The following AHRR variants were observed in gnomAD, a reference collection of about 807,000 sequenced individuals.
The protein encoded by AHRR is aryl hydrocarbon receptor repressor.
A neutral mutation model predicts 44.0 loss-of-function variants in AHRR; 28 were observed. The ratio of observed to expected loss-of-function variants is 0.64; its 90% confidence interval spans 0.47 to 0.87. The LOEUF is 0.87. AHRR is among the 40% of genes least tolerant of loss of function. The probability of loss-of-function intolerance (pLI) is 0.00; values close to 1 mark genes in which losing one functional copy is unlikely to be tolerated. For synonymous variants in AHRR, 434 were observed against 407.0 expected, an observed-to-expected ratio of 1.07 and a Z score of -0.80; for missense variants, 990 against 953.9, an observed-to-expected ratio of 1.04 and a Z score of -0.50.
rs550349312 is a variant in AHRR at position 367,301 on chromosome 5, G to T, written c.245-9309G>T. Among the ~76,000 whole-genome samples, 4 of 152,312 alleles carry T rather than the reference G, an allele frequency of 2.6e-5. No homozygotes were observed. The South Asian group carries it at 8.3e-4, about 32-fold the overall frequency. On this transcript the variant is annotated intron_variant, in intron 3 of 10. Transcript: ENST00000684583. ...TGGGCCCTCAGCGTAGCCAGATGTG[G>T]GACAGCATCGTGTGCATTTGTATGT...
intron 5 of AHRR, among the ~76,000 whole-genome samples, chr5:415,640 TGGTGGGGC>T (rs1396779678): frequency 1.2e-4 from 18 of 146,452 alleles, no homozygotes; most frequent in Middle Eastern, 3.7e-3. Flanking sequence ...CGAATCTGCC[TGGTGGGGC>T]GGGAGGCCTA....
At chr5:424,040 G>C (rs1323083946) in intron 7 of AHRR, 63 bp downstream of exon 7, 1 of 1,553,170 alleles carries the variant, frequency 6.4e-7, no homozygotes, top group East Asian at 2.3e-5. Flanking sequence ...CCCTGGTGTG[G>C]AAGGAAACAG....
chr5:432,374 T>C, intron 8 of AHRR, 89 bp from the exon 9 acceptor site: 1 of 1,300,128 alleles, frequency 7.7e-7, no homozygotes, highest in Non-Finnish European at 1.1e-6. Context: ...ATACCTGTCA[T>C]TATTAATTTC....
At chr5:429,387 C>T (rs990652026) in intron 8 of AHRR, among the ~76,000 whole-genome samples, 7 of 152,114 alleles carry the variant, frequency 4.6e-5, no homozygotes, top group East Asian at 1.9e-4. Context: ...ACCCCTTCCC[C>T]GGCCACCTGG....
At chr5:385,895 G>T (rs1349771299) in intron 4 of AHRR, among the ~76,000 whole-genome samples, 2 of 152,012 alleles carry the variant, frequency 1.3e-5, no homozygotes, top group Non-Finnish European at 2.9e-5. Context: ...CTGAGGCTGT[G>T]TTCATTTTTT....
Position 434,541 on chromosome 5 carries a change from A to G in AHRR, c.1801A>G (p.Thr601Ala). The G allele has an allele frequency of 6.2e-7, 1 of 1,608,802 alleles. No homozygotes were observed. Among genetic ancestry groups the G allele is most frequent in the Non-Finnish European group, 8.5e-7 (1 of 1,178,180 alleles). ...VRGAQPHGRATAGRSRELTPF... is the reference protein window; with the variant it reads ...VRGAQPHGRAAAGRSRELTPF... ...GGGGGCTCAGCCCCATGGGAGGGCC[A>G]CTGCTGGGCGCAGCAGGGAGCTGAC... Residue 601 changes from threonine to alanine, a missense_variant, in exon 11 of 11, where the codon ACT becomes GCT. By Grantham distance (58) the Thr-to-Ala change is moderately conservative. Transcript: ENST00000684583.
chr5:323,974 CTCCTTCCTTCCT>C (rs1212223055), intron 1 of AHRR, among the ~76,000 whole-genome samples: 2 of 148,772 alleles, frequency 1.3e-5, no homozygotes, highest in Admixed American at 6.6e-5. Context: ...TCTTCCTTCC[CTCCTTCCTTCCT>C]ACCTTCCTTT....
chr5:376,555 A>G (rs1733697635), intron 3 of AHRR, 55 bp from the exon 4 acceptor site: 4 of 1,431,448 alleles, frequency 2.8e-6, no homozygotes, highest in Non-Finnish European at 3.8e-6. Context: ...TGAATGAAGA[A>G]GAGTGGCCAG....
chr5:421,705 C>T (rs1315096876), intron 5 of AHRR, among the ~76,000 whole-genome samples: 2 of 150,998 alleles, frequency 1.3e-5, no homozygotes, highest in African/African-American at 4.9e-5. Flanking sequence ...TGCGGAGGCA[C>T]AGACAGAGTC....
chr5:407,496 T>A (rs1735311598), intron 4 of AHRR, among the ~76,000 whole-genome samples: 1 of 152,210 alleles, frequency 6.6e-6, no homozygotes, highest in Non-Finnish European at 1.5e-5. Context: ...GTTATGGGTA[T>A]CTGTATGTTA....
chr5:434,514 C>CG lies in AHRR; in HGVS notation c.1780dup (p.Ala594GlyfsTer48), dbSNP rs750379288. On this transcript the variant is annotated frameshift_variant, in exon 11 of 11. Coordinates refer to ENST00000684583, the MANE Select transcript of AHRR (RefSeq NM_001377236.1). ...CATCTCGCACCTGGGGCACGGCGTG[C>CG]GGGGGGCTCAGCCCCATGGGAGGGC... 33 of 1,612,124 alleles carry CG rather than the reference C, an allele frequency of 2.0e-5. No individual in the cohort carries two copies. The highest frequency in any genetic ancestry group is 1.1e-4 in the African/African-American group (8 of 75,026).
Position 343,926 on chromosome 5 carries a change from G to A in AHRR, c.24G>A (p.Thr8=), listed in dbSNP as rs779740302. 2 of 1,600,740 alleles carry A rather than the reference G, an allele frequency of 1.2e-6. No homozygotes were observed. The highest frequency in any genetic ancestry group is 2.3e-5 in the East Asian group (1 of 43,046). The change falls in exon 2 of 11, where the codon ACG becomes ACA. Residue 8 remains threonine (T), a synonymous_variant. Transcript: ENST00000684583. ...CGATGATCCCGCCGGGGGAGTGCAC[G>A]TACGCGGGCCGGAAGCGGAGGAGGC... MIPPGEC[T]YAGRKRRRPL...
At chr5:394,790 G>A (rs918198075) in intron 4 of AHRR, among the ~76,000 whole-genome samples, 6 of 152,266 alleles carry the variant, frequency 3.9e-5, no homozygotes, top group Non-Finnish European at 7.3e-5. Flanking sequence ...GAGGGCAGAG[G>A]GGAGGGCAGG....
At chr5:409,788 A>G (rs548412660) in intron 4 of AHRR, among the ~76,000 whole-genome samples, 2 of 152,232 alleles carry the variant, frequency 1.3e-5, no homozygotes, top group African/African-American at 4.8e-5. Flanking sequence ...AATAAAGCCC[A>G]ATTTATCAAG....
chr5:424,003 G>A (rs1406372478), intron 7 of AHRR, 26 bp downstream of exon 7: 1 of 1,587,688 alleles, frequency 6.3e-7, no homozygotes, highest in Admixed American at 1.7e-5. Context: ...CCTGGCAGGG[G>A]GCTCCCGACA....
intron 5 of AHRR, among the ~76,000 whole-genome samples, chr5:420,068 G>A (rs983632103): frequency 1.3e-5 from 2 of 152,236 alleles, no homozygotes; most frequent in Admixed American, 6.5e-5. Context: ...CGCCACGGTA[G>A]TTATTCAGCT....
At chr5:345,244 GGATGTGTGTGTGGGGAGAGGGGTGGGT>G (rs1742594518) in intron 2 of AHRR, among the ~76,000 whole-genome samples, 1 of 136,456 alleles carries the variant, frequency 7.3e-6, no homozygotes, top group African/African-American at 3.3e-5. Context: ...CTGTGTGTGG[GGATGTGTGTGTGGGGAGAGGGGTGGGT>G]GGGTGTGTGT....
intron 1 of AHRR, among the ~76,000 whole-genome samples, chr5:328,665 ATTTGTATCTCTTCTT>A (rs1741809483): frequency 6.6e-6 from 1 of 152,022 alleles, no homozygotes; most frequent in Non-Finnish European, 1.5e-5. Flanking sequence ...CCTGTTGGCC[ATTTGTATCTCTTCTT>A]TTAAAAACTG....
intron 1 of AHRR, among the ~76,000 whole-genome samples, chr5:327,308 TTTAGGGCGCCCA>T (rs1560876084): frequency 6.6e-6 from 1 of 152,212 alleles, no homozygotes; most frequent in Non-Finnish European, 1.5e-5. Context: ...AGTCAAAGTT[TTTAGGGCGCCCA>T]TTACCCAAAT....
Sources: allele counts gnomAD v4.1 joint callset (sites outside exome capture counted in the v4.1 genomes callset), GRCh38; gene constraint gnomAD v4.1.1; transcripts MANE v1.5; gene names NCBI Gene and HGNC (gene_info 2026-07-23, HGNC 2026-07-21).